RAB11FIP5: variants seen among roughly 807,000 people sequenced by gnomAD.
The protein encoded by RAB11FIP5 is rab11 family-interacting protein 5.
Under a neutral mutation model 85.1 loss-of-function variants are expected in RAB11FIP5, and 48 were observed. The ratio of observed to expected loss-of-function variants is 0.56; its 90% CI spans 0.45 to 0.72. RAB11FIP5 has a LOEUF of 0.72. Among genes scored for constraint, RAB11FIP5 ranks in the 30% least tolerant of loss-of-function variants. The probability of loss-of-function intolerance (pLI) is 0.00; values close to 1 mark genes in which losing one functional copy is unlikely to be tolerated. For missense variants in RAB11FIP5, 1,491 were observed against 1,687.0 expected (o/e 0.88, Z 2.04); for synonymous variants, 729 against 727.3 (o/e 1.00, Z -0.04).
At position 73,112,811 on chromosome 2, in the gene RAB11FIP5, C is replaced by T; in HGVS notation, c.-34G>A. 2 of 1,397,636 alleles carry T rather than the reference C, an allele frequency of 1.4e-6. No homozygotes were observed. Among genetic ancestry groups the T allele is most frequent in the South Asian group, 3.2e-5 (2 of 61,800 alleles). The allele number at this position is 1,397,636 out of a possible 1,614,324, so 86.6% of individuals were successfully genotyped here. On this transcript the variant is annotated 5_prime_UTR_variant, in exon 1 of 6. Coordinates refer to ENST00000486777, the MANE Select transcript of RAB11FIP5 (RefSeq NM_001371272.1). ...AGCGGGGGGCGAGGTCTGGCCGAGCCGGTGCAGACCCCAGGACCTGGTGAC... is the reference window on the plus strand; with the variant it reads ...AGCGGGGGGCGAGGTCTGGCCGAGCTGGTGCAGACCCCAGGACCTGGTGAC...
At chr2:73,090,827 A>C (rs1439608317) in intron 1 of RAB11FIP5, among the ~76,000 whole-genome samples, 1 of 152,260 alleles carries the variant, frequency 6.6e-6, no homozygotes, top group African/African-American at 2.4e-5. Context: ...GTGGACATGC[A>C]TTGTTATACA....
Position 73,112,565 on chromosome 2 carries a change from C to G in RAB11FIP5, c.213G>C (p.Glu71Asp), listed in dbSNP as rs778574634. 5.3e-5 allele frequency: 84 copies of G among 1,585,152 alleles called. No individual in the cohort carries two copies. The South Asian group carries it at 9.4e-4, about 18-fold the overall frequency. ...CCGGCGGCAGCTCGAAGGAGCACTC[C>G]TCACGCCACTCGGGGCAGCCGTGCG... ...EKTHGCPEWR[E>D]ECSFELPPGA... Residue 71 changes from glutamate (E) to aspartate (D), a missense_variant, in exon 1 of 6, where the codon GAG becomes GAC. Transcript: ENST00000486777.
Position 73,089,666 on chromosome 2 carries a change from G to C in RAB11FIP5, c.432-351C>G. 2.7e-6 allele frequency: 1 copy of C among 374,760 alleles called. No homozygotes were observed. The highest frequency in any genetic ancestry group is 2.2e-5 in the South Asian group (1 of 46,400). The allele number at this position is 374,760 out of a possible 1,614,324, so 23.2% of individuals were successfully genotyped here. A position where few individuals can be genotyped will look rare whatever the true frequency, so the allele number is the denominator to read the frequency against. On this transcript the variant is annotated intron_variant, in intron 1 of 5. Coordinates refer to ENST00000486777, the MANE Select transcript of RAB11FIP5 (RefSeq NM_001371272.1). This position sits in a 1 kb window ranked among gnomAD's most constrained non-coding sequence, Gnocchi z 4.6. ...ATCTCCCCTACATCTGAAACTCTGA[G>C]GCCCAGAGGGGTGAGGCTGGGCCTG...
rs1467963743 is a variant in RAB11FIP5, at chr2:73,075,973, C to T, written c.3771+20G>A. 1 of 1,602,362 alleles carries T rather than the reference C, an allele frequency of 6.2e-7. No homozygotes were observed. Among genetic ancestry groups the T allele is most frequent in the Non-Finnish European group, 8.5e-7 (1 of 1,171,892 alleles). On this transcript the variant is annotated intron_variant, in intron 5 of 5. Coordinates refer to ENST00000486777, the MANE Select transcript of RAB11FIP5 (RefSeq NM_001371272.1). The surrounding 1 kb of genome is among the most constrained non-coding windows in gnomAD (Gnocchi z 4.6). ...ACCACACATTCTGTCAGATGGCCCC[C>T]ACACCCTGCTGGGCCTTACCTTCAG... is the stretch of plus-strand genomic sequence containing the variant.
At position 73,081,694 on chromosome 2, in the gene RAB11FIP5, T is replaced by C. The variant is rs1683988051; in HGVS notation, c.1569-31A>G. On this transcript the variant is annotated intron_variant, in intron 3 of 5. Coordinates refer to ENST00000486777, the MANE Select transcript of RAB11FIP5 (RefSeq NM_001371272.1). The surrounding 1 kb of genome is among the most constrained non-coding windows in gnomAD (Gnocchi z 4.2). ...GAGGGAGACAAAACCGTGAGCCTCC[T>C]GGTTAATGCCAAGACTGGAAAGGCC... 4.1e-6 allele frequency: 5 copies of C among 1,231,328 alleles called. No individual in the cohort carries two copies. The highest frequency in any genetic ancestry group is 3.1e-4 in the Middle Eastern group (1 of 3,230). 76.3% of individuals were successfully genotyped at this position (1,231,328 alleles called of 1,614,324 possible).
At chr2:73,083,247 C>T (rs1684028252) in intron 3 of RAB11FIP5, among the ~76,000 whole-genome samples, 1 of 152,106 alleles carries the variant, frequency 6.6e-6, no homozygotes, top group Non-Finnish European at 1.5e-5. Context: ...AACCCAGGGC[C>T]CAAAGAGGGC....
chr2:73,112,666 C>A lies in RAB11FIP5; in HGVS notation c.112G>T (p.Ala38Ser). ...ARGLRGKSSG[A>S]GSTSDAYTVI... ...GTGTACGCGTCGCTGGTGCTGCCCG[C>A]TCCCGAGCTCTTGCCCCGCAGCCCG... Residue 38 changes from alanine to serine, a missense_variant, in exon 1 of 6, where the codon GCG (alanine) becomes TCG (serine). Physicochemically the swap from Ala to Ser is moderately conservative, Grantham distance 99. Coordinates refer to ENST00000486777, the MANE Select transcript of RAB11FIP5 (RefSeq NM_001371272.1). 1 of 1,594,526 alleles carries A rather than the reference C, an allele frequency of 6.3e-7. No individual in the cohort carries two copies.
At chr2:73,103,483 G>A (rs1684467587) in intron 1 of RAB11FIP5, among the ~76,000 whole-genome samples, 1 of 152,182 alleles carries the variant, frequency 6.6e-6, no homozygotes, top group Non-Finnish European at 1.5e-5. Flanking sequence ...GAGAGCAACA[G>A]AAAAGATGTA....
At position 73,112,656 on chromosome 2, in the gene RAB11FIP5, G is replaced by C; in HGVS notation, c.122C>G (p.Thr41Ser). The part of the protein sequence containing the change: ...LRGKSSGAGS[T>S]SDAYTVIQVG... ...CTGGATCACCGTGTACGCGTCGCTG[G>C]TGCTGCCCGCTCCCGAGCTCTTGCC... The change falls in exon 1 of 6, where the codon ACC becomes AGC. Residue 41 changes from threonine to serine, a missense_variant. Thr to Ser is a moderately conservative substitution (Grantham distance 58). Transcript: ENST00000486777. 6.3e-7 allele frequency: 1 copy of C among 1,597,890 alleles called. No homozygotes were observed. Among genetic ancestry groups the C allele is most frequent in the Non-Finnish European group, 8.5e-7 (1 of 1,173,960 alleles).
Position 73,079,906 on chromosome 2 carries a change from G to T in RAB11FIP5, c.3326C>A (p.Pro1109His). 8.1e-7 allele frequency: 1 copy of T among 1,232,386 alleles called. No individual in the cohort carries two copies. The highest frequency in any genetic ancestry group is 4.1e-5 in the South Asian group (1 of 24,322). The allele number at this position is 1,232,386 out of a possible 1,614,324, so 76.3% of individuals were successfully genotyped here. A position where few individuals can be genotyped will look rare whatever the true frequency, so the allele number is the denominator to read the frequency against. ...GTGGTGGCTGGCCCAAGGCGGGAGAGGGGGCGGTGGAAAGTCAGGCTCTGG... is the reference window on the plus strand; with the variant it reads ...GTGGTGGCTGGCCCAAGGCGGGAGATGGGGCGGTGGAAAGTCAGGCTCTGG... ...TPPEPDFPPP[P>H]LPPWASHHRG... The change falls in exon 4 of 6, where the codon CCT becomes CAT. Residue 1109 changes from proline (P) to histidine (H), a missense_variant. Physicochemically the swap from Pro to His is moderately conservative, Grantham distance 77. Around this residue, in one of 3 missense-constraint regions of RAB11FIP5, gnomAD observed 48 missense variants for 89.9 expected, o/e 0.53. Transcript: ENST00000486777.
intron 1 of RAB11FIP5, among the ~76,000 whole-genome samples, chr2:73,101,917 GA>G (rs1306771506): frequency 2.0e-5 from 3 of 152,204 alleles, no homozygotes; most frequent in Non-Finnish European, 4.4e-5. Context: ...TATTTGCCAG[GA>G]ACAAGAACGG....
At position 73,112,847 on chromosome 2, in the gene RAB11FIP5, G is replaced by C. The variant is rs1373964265; in HGVS notation, c.-70C>G. On this transcript the variant is annotated 5_prime_UTR_variant, in exon 1 of 6. Coordinates refer to ENST00000486777, the MANE Select transcript of RAB11FIP5 (RefSeq NM_001371272.1). ...CCAGGACCTGGTGACAAACCCGGCC[G>C]CGGCAGAAGGCGGTCAGGAACCAAC... is the stretch of plus-strand genomic sequence containing the variant. The C allele has an allele frequency of 6.1e-6, 8 of 1,303,398 alleles. No homozygotes were observed. Among genetic ancestry groups the C allele is most frequent in the Non-Finnish European group, 7.8e-6 (8 of 1,021,626 alleles). The allele number at this position is 1,303,398 out of a possible 1,614,324, so 80.7% of individuals were successfully genotyped here. A position where few individuals can be genotyped will look rare whatever the true frequency, so the allele number is the denominator to read the frequency against.
intron 4 of RAB11FIP5, among the ~76,000 whole-genome samples, chr2:73,076,866 G>A (rs17433172): frequency 0.06 from 9,073 of 152,218 alleles, 324 homozygotes; most frequent in East Asian, 0.14. Context: ...AGAACAGGAC[G>A]TCGGTCTCTA....
intron 1 of RAB11FIP5, among the ~76,000 whole-genome samples, chr2:73,110,174 G>A (rs926572874): frequency 3.3e-5 from 5 of 152,176 alleles, no homozygotes; most frequent in Admixed American, 6.5e-5. Flanking sequence ...CCAACTCCTG[G>A]AGTTAAAGAA....
At chr2:73,079,097 T>C (rs1683916810) in intron 4 of RAB11FIP5, among the ~76,000 whole-genome samples, 1 of 152,212 alleles carries the variant, frequency 6.6e-6, no homozygotes, top group African/African-American at 2.4e-5. Flanking sequence ...CTTTTTCTTC[T>C]GAAGGTGTCT....
At position 73,112,693 on chromosome 2, in the gene RAB11FIP5, G is replaced by C; in HGVS notation, c.85C>G (p.Arg29Gly). 1 of 1,580,002 alleles carries C rather than the reference G, an allele frequency of 6.3e-7. No individual in the cohort carries two copies. The highest frequency in any genetic ancestry group is 1.2e-5 in the South Asian group (1 of 86,514). Residue 29 changes from arginine to glycine, a missense_variant, in exon 1 of 6, where the codon CGC (arginine) becomes GGC (glycine). Around this residue, in one of 3 missense-constraint regions of RAB11FIP5, gnomAD observed 1,211 missense variants for 1,338.0 expected, o/e 0.91. Coordinates refer to ENST00000486777, the MANE Select transcript of RAB11FIP5 (RefSeq NM_001371272.1). ...CCCGAGCTCTTGCCCCGCAGCCCGC[G>C]GGCCCGCAGCACCGTCACCTGGACG... ...THVQVTVLRA[R>G]GLRGKSSGAG... is the part of the protein sequence containing the mutation.
intron 3 of RAB11FIP5, among the ~76,000 whole-genome samples, chr2:73,083,941 C>G (rs893315970): frequency 6.6e-6 from 1 of 152,246 alleles, no homozygotes; most frequent in Admixed American, 6.5e-5. Context: ...AAAAGCACTA[C>G]GCTTAACTCT....
chr2:73,111,926 C>T (rs1465935904), intron 1 of RAB11FIP5, among the ~76,000 whole-genome samples: 1 of 152,228 alleles, frequency 6.6e-6, no homozygotes, highest in Non-Finnish European at 1.5e-5. Flanking sequence ...TAGGGCAAGG[C>T]TGCGCCTCTC....
At chr2:73,096,311 A>G (rs1380809340) in intron 1 of RAB11FIP5, among the ~76,000 whole-genome samples, 1 of 152,200 alleles carries the variant, frequency 6.6e-6, no homozygotes, top group East Asian at 1.9e-4. Context: ...AATGCCATCC[A>G]GCATAACTGG....
Sources: gnomAD v4.1 joint callset for allele counts (sites outside exome capture counted in the v4.1 genomes callset) on GRCh38, gnomAD v4.1.1 for gene constraint, gnomAD v4.1.1 regional missense constraint, Gnocchi (gnomAD v3.1) non-coding constraint, MANE v1.5 for transcripts, NCBI Gene and HGNC (gene_info 2026-07-23, HGNC 2026-07-21) for gene names.